ATG4A: variants seen among roughly 807,000 people sequenced by gnomAD.
The protein encoded by ATG4A is cysteine protease ATG4A.
ATG4A carries 22 observed loss-of-function variants against 38.4 expected under a neutral mutation model. The observed-to-expected ratio is 0.57, with a 90% CI of 0.41 to 0.82. The LOEUF (loss-of-function observed/expected upper bound fraction) is 0.82. ATG4A is among the 40% of genes least tolerant of loss of function. The pLI is 0.00. For synonymous variants in ATG4A, 86 were observed against 100.7 expected (o/e 0.85, Z 0.88); for missense variants, 220 against 290.0 (o/e 0.76, Z 1.75).
At chrX:108,144,265 G>T (rs1159430887) in intron 9 of ATG4A, among the ~76,000 whole-genome samples, 2 of 112,754 alleles carry the variant, frequency 1.8e-5, no homozygotes, top group African/African-American at 6.4e-5. Flanking sequence ...TGGGAGTCTT[G>T]GCAGAAGCAT....
At chrX:108,107,759 G>A (rs1315147424) in intron 1 of ATG4A, among the ~76,000 whole-genome samples, 3 of 111,295 alleles carry the variant, frequency 2.7e-5, no homozygotes, top group Admixed American at 9.5e-5. Context: ...GGTAGGGGTA[G>A]GGATGCCATT....
At chrX:108,144,989 G>A (rs1472275153) in intron 9 of ATG4A, among the ~76,000 whole-genome samples, 1 of 111,866 alleles carries the variant, frequency 8.9e-6, no homozygotes, top group Admixed American at 9.4e-5. Flanking sequence ...AATCCAAATA[G>A]GCCCAAAAGG....
intron 1 of ATG4A, among the ~76,000 whole-genome samples, chrX:108,108,232 C>T (rs2032244738): frequency 1.1e-5 from 1 of 94,491 alleles, no homozygotes; most frequent in Admixed American, 1.3e-4. Context: ...GTCCAGGATA[C>T]ATTACTCAAA....
rs549987509 is a variant in ATG4A, at chrX:108,100,565, T to A, written c.10+8729T>A. On this transcript the variant is annotated intron_variant, in intron 1 of 12. Transcript: ENST00000372232. Reference sequence around the variant, plus strand: ...AGCATCAACTATAATGTAGTTTTTTTTGAAGTTTAGATCGTTCCCTCTTGA... The same window carrying A: ...AGCATCAACTATAATGTAGTTTTTTATGAAGTTTAGATCGTTCCCTCTTGA... Among the ~76,000 whole-genome samples the A allele has an allele frequency of 3.1e-4, 35 of 111,398 alleles. No homozygotes were observed. The South Asian group carries it at 0.013, about 41-fold the overall frequency.
At chrX:108,107,256 T>A (rs1426543966) in intron 1 of ATG4A, among the ~76,000 whole-genome samples, 2 of 111,955 alleles carry the variant, frequency 1.8e-5, no homozygotes, top group South Asian at 3.7e-4. Context: ...TCTATTGTTC[T>A]GTCACTAGTT....
chrX:108,139,125 G>A (rs768349664), intron 9 of ATG4A, among the ~76,000 whole-genome samples: 1 of 111,125 alleles, frequency 9.0e-6, no homozygotes, highest in South Asian at 3.9e-4. Context: ...TGGCATGAGG[G>A]CACGTGCAAA....
chrX:108,097,139 T>C (rs2031848669), intron 1 of ATG4A, among the ~76,000 whole-genome samples: 1 of 111,925 alleles, frequency 8.9e-6, no homozygotes, highest in South Asian at 3.7e-4. Flanking sequence ...GCTCCTACCT[T>C]TTTTAAAATG....
intron 1 of ATG4A, among the ~76,000 whole-genome samples, chrX:108,096,990 A>G (rs779050487): frequency 8.9e-4 from 99 of 111,522 alleles, no homozygotes; most frequent in Non-Finnish European, 1.7e-3. Context: ...TCTAGATACT[A>G]AAACAAGCTA....
intron 1 of ATG4A, among the ~76,000 whole-genome samples, chrX:108,114,913 G>A (rs1317494574): frequency 3.6e-5 from 4 of 111,959 alleles, no homozygotes; most frequent in African/African-American, 1.3e-4. Flanking sequence ...ATGTATTTAT[G>A]TGATGAAGAT....
intron 4 of ATG4A, among the ~76,000 whole-genome samples, chrX:108,133,665 T>A (rs1371448236): frequency 8.9e-6 from 1 of 112,252 alleles, no homozygotes; most frequent in Non-Finnish European, 1.9e-5. Flanking sequence ...GCTGTCTATG[T>A]GGAGATGAGA....
chrX:108,104,305 C>T (rs780521571), intron 1 of ATG4A, among the ~76,000 whole-genome samples: 1 of 112,228 alleles, frequency 8.9e-6, no homozygotes, highest in African/African-American at 3.2e-5. Flanking sequence ...AAATGTCTCT[C>T]TTTAGCATTT....
intron 1 of ATG4A, among the ~76,000 whole-genome samples, chrX:108,107,178 C>T (rs1275993192): frequency 9.0e-6 from 1 of 110,939 alleles, no homozygotes; most frequent in Non-Finnish European, 1.9e-5. Flanking sequence ...CATTAAAGTC[C>T]CGTGTGTCCC....
chrX:108,105,755 T>A (rs903177707), intron 1 of ATG4A, among the ~76,000 whole-genome samples: 2 of 111,324 alleles, frequency 1.8e-5, no homozygotes, highest in African/African-American at 6.5e-5. Flanking sequence ...AATAGAAACC[T>A]CTTCCTGGTT....
chrX:108,151,900 C>G, intron 11 of ATG4A, 42 bp downstream of exon 11: 1 of 1,087,496 alleles, frequency 9.2e-7, no homozygotes, highest in South Asian at 2.2e-5. Context: ...ATGAAGTTAC[C>G]CAATTTTATT....
intron 2 of ATG4A, chrX:108,126,851 C>A: frequency 1.2e-6 from 1 of 836,916 alleles, no homozygotes; most frequent in Non-Finnish European, 1.6e-6. Flanking sequence ...CCAGATAAAG[C>A]CAGAGCTTGG....
At chrX:108,113,385 G>T (rs1602628026) in intron 1 of ATG4A, among the ~76,000 whole-genome samples, 1 of 111,317 alleles carries the variant, frequency 9.0e-6, no homozygotes, top group Admixed American at 9.6e-5. Flanking sequence ...CTGTCCATTG[G>T]GGGGCACTGG....
At chrX:108,151,720 C>T (rs1416837387) in intron 10 of ATG4A, 82 bp from the exon 11 acceptor site, 36 of 990,533 alleles carry the variant, frequency 3.6e-5, no homozygotes, top group Non-Finnish European at 4.7e-5. Flanking sequence ...AGAGACTGGC[C>T]CACATCCTAA....
intron 1 of ATG4A, among the ~76,000 whole-genome samples, chrX:108,122,839 T>C (rs184511661): frequency 8.9e-6 from 1 of 112,148 alleles, no homozygotes; most frequent in Non-Finnish European, 1.9e-5. Flanking sequence ...TGAGATTCCT[T>C]GGGGCTTTGG....
intron 12 of ATG4A, 79 bp downstream of exon 12, chrX:108,153,166 A>C (rs919153295): frequency 1.3e-6 from 1 of 744,703 alleles, no homozygotes; most frequent in African/African-American, 2.1e-5. Context: ...ATTGTGGCCC[A>C]TGCTTTCTGT....
Sources: gnomAD v4.1 joint callset for allele counts (sites outside exome capture counted in the v4.1 genomes callset) on GRCh38, gnomAD v4.1.1 for gene constraint, MANE v1.5 for transcripts, NCBI Gene and HGNC (gene_info 2026-07-23, HGNC 2026-07-21) for gene names.